CNTN4: variants seen among roughly 807,000 people sequenced by gnomAD.
CNTN4 encodes contactin 4.
A neutral mutation model predicts 122.5 loss-of-function variants in CNTN4; 77 were observed. The observed-to-expected ratio is 0.63, with a 90% CI of 0.52 to 0.76. The LOEUF is 0.76. Among genes scored for constraint, CNTN4 ranks in the 30% least tolerant of loss-of-function variants. CNTN4 has a pLI of 0.00. For missense variants in CNTN4, 1,256 were observed against 1,259.1 expected (o/e 1.00, Z 0.04); for synonymous variants, 512 against 447.0 (o/e 1.15, Z -1.83).
Position 2,845,112 on chromosome 3 carries a change from C to A in CNTN4, c.455-21640C>A, listed in dbSNP as rs547673812. The stretch of plus-strand genomic sequence containing the variant: ...CATTTCCGCAAAAACTAGGTGCAAT[C>A]CTTTGGAAAAGACTCAAGAAAAACA... On this transcript the variant is annotated intron_variant, in intron 7 of 24. Coordinates refer to ENST00000418658, the MANE Select transcript of CNTN4 (RefSeq NM_175607.3). Among the ~76,000 whole-genome samples, 6 of 152,146 alleles carry A rather than the reference C, an allele frequency of 3.9e-5. No individual in the cohort carries two copies. The East Asian group carries it at 9.6e-4, about 24-fold the overall frequency.
intron 2 of CNTN4, among the ~76,000 whole-genome samples, chr3:2,143,303 G>A (rs1003424238): frequency 6.6e-6 from 1 of 152,086 alleles, no homozygotes; most frequent in East Asian, 1.9e-4. Context: ...ATATTCTGGT[G>A]GCTAATGAAG....
chr3:2,258,126 C>T (rs1413977313), intron 2 of CNTN4, among the ~76,000 whole-genome samples: 10 of 151,968 alleles, frequency 6.6e-5, no homozygotes, highest in African/African-American at 1.2e-4. Context: ...GAAATAGGAA[C>T]GCTTTTACAC....
chr3:2,940,819 C>T (rs749632224), intron 13 of CNTN4, among the ~76,000 whole-genome samples: 5 of 151,984 alleles, frequency 3.3e-5, no homozygotes, highest in Non-Finnish European at 7.4e-5. Flanking sequence ...TTCTGAAAGT[C>T]TGGTCATGGG....
intron 13 of CNTN4, among the ~76,000 whole-genome samples, chr3:2,977,167 T>C (rs907780988): frequency 1.3e-5 from 2 of 152,240 alleles, no homozygotes; most frequent in Non-Finnish European, 2.9e-5. Flanking sequence ...TGTATTGCTT[T>C]TGCCTCAAGG....
intron 6 of CNTN4, among the ~76,000 whole-genome samples, chr3:2,807,494 TAAA>T (rs2150112841): frequency 6.6e-6 from 1 of 152,178 alleles, no homozygotes; most frequent in African/African-American, 2.4e-5. Context: ...TTTTTGCCCT[TAAA>T]AATTTTTAAC....
intron 2 of CNTN4, among the ~76,000 whole-genome samples, chr3:2,245,212 G>A (rs2040096699): frequency 6.6e-6 from 1 of 151,910 alleles, no homozygotes; most frequent in African/African-American, 2.4e-5. Context: ...GAGATACTTA[G>A]TAGAAGATAA....
In CNTN4 at chr3:2,381,468, G is replaced by T. The variant is rs555972655; in HGVS notation, c.-89+42235G>T. Among the ~76,000 whole-genome samples, 3 of 152,272 alleles carry T rather than the reference G, an allele frequency of 2.0e-5. No homozygotes were observed. The East Asian group carries it at 5.8e-4, about 29-fold the overall frequency. On this transcript the variant is annotated intron_variant, in intron 3 of 24. Coordinates refer to ENST00000418658, the MANE Select transcript of CNTN4 (RefSeq NM_175607.3). ...TAGGTCTCTTACTTAGCTATCACTA[G>T]TCTGGAGGTGTTGGGAACATAACTT...
chr3:2,948,953 G>T (rs2094707774), intron 13 of CNTN4, among the ~76,000 whole-genome samples: 1 of 152,012 alleles, frequency 6.6e-6, no homozygotes, highest in South Asian at 2.1e-4. Flanking sequence ...CAACTAATCA[G>T]CCCTTCCAGT....
rs1431671818 is a variant in CNTN4, at chr3:2,705,300, A to G, written c.56-30915A>G. 1.0e-4 allele frequency among the ~76,000 whole-genome samples: 15 copies of G among 146,140 alleles called. No individual in the cohort carries two copies. In the East Asian group the frequency reaches 2.0e-3, roughly 20 times the overall value. On this transcript the variant is annotated intron_variant, in intron 4 of 24. Coordinates refer to ENST00000418658, the MANE Select transcript of CNTN4 (RefSeq NM_175607.3). ...GGAGAATGGCGGGAACCTAGGAGGCAGAGCTTGCAGTGAGCCGAGATTGTG... is the reference window on the plus strand; with the variant it reads ...GGAGAATGGCGGGAACCTAGGAGGCGGAGCTTGCAGTGAGCCGAGATTGTG...
chr3:2,708,345 C>G (rs1411799633), intron 4 of CNTN4, among the ~76,000 whole-genome samples: 1 of 152,010 alleles, frequency 6.6e-6, no homozygotes, highest in Non-Finnish European at 1.5e-5. Flanking sequence ...CATTTACATC[C>G]AAATACGACT....
chr3:2,272,530 A>G (rs1439455009), intron 2 of CNTN4, among the ~76,000 whole-genome samples: 2 of 152,182 alleles, frequency 1.3e-5, no homozygotes, highest in Non-Finnish European at 2.9e-5. Context: ...AAGTTATACT[A>G]TGATAAAGAT....
At chr3:2,795,701 T>C (rs1285807609) in intron 6 of CNTN4, among the ~76,000 whole-genome samples, 2 of 151,952 alleles carry the variant, frequency 1.3e-5, no homozygotes, top group East Asian at 3.9e-4. Flanking sequence ...TTTGTATTTT[T>C]AGTAGAGACG....
At position 2,607,610 on chromosome 3, in the gene CNTN4, C is replaced by CCACACGCACACACACACACA. The variant is rs1553580832; in HGVS notation, c.55+36057_55+36058insGCACACACACACACACACAC. Among the ~76,000 whole-genome samples, 9 of 145,480 alleles carry CCACACGCACACACACACACA rather than the reference C, an allele frequency of 6.2e-5. No homozygotes were observed. The East Asian group carries it at 1.8e-3, about 29-fold the overall frequency. On this transcript the variant is annotated intron_variant, in intron 4 of 24. Coordinates refer to ENST00000418658, the MANE Select transcript of CNTN4 (RefSeq NM_175607.3). The stretch of plus-strand genomic sequence containing the variant: ...AATACGTGTGTATATACATATGCAT[C>CCACACGCACACACACACACA]CACACACACACACACATAACTAATG...
At position 2,157,160 on chromosome 3, in the gene CNTN4, A is replaced by G. The variant is rs893716667; in HGVS notation, c.-145+56521A>G. Among the ~76,000 whole-genome samples, 8 of 152,232 alleles carry G rather than the reference A, an allele frequency of 5.3e-5. 1 individual carries two copies. Among genetic ancestry groups the G allele is most frequent in the African/African-American group, 1.9e-4 (8 of 41,460 alleles). On this transcript the variant is annotated intron_variant, in intron 2 of 24. Coordinates refer to ENST00000418658, the MANE Select transcript of CNTN4 (RefSeq NM_175607.3). The stretch of plus-strand genomic sequence containing the variant: ...TGTCTTACACATTTAAAAATGGAAG[A>G]AGATATTTAAAAGTAAAATAAATTA...
rs748997432 is a variant in CNTN4 at position 2,883,227 on chromosome 3, G to A, written c.735G>A (p.Leu245=). The A allele has an allele frequency of 8.7e-6, 14 of 1,613,410 alleles. No homozygotes were observed. Among genetic ancestry groups the A allele is most frequent in the African/African-American group, 2.7e-5 (2 of 74,900 alleles). The stretch of plus-strand genomic sequence containing the variant: ...CTGCAAAAGGAGCAACGGTGAAGCT[G>A]GAATGCTTTGCTTTAGGAAAGTAAG... ...VPTAKGATVK[L]ECFALGNPVP... Residue 245 remains leucine, a synonymous_variant, in exon 9 of 25, where the codon CTG becomes CTA. Coordinates refer to ENST00000418658, the MANE Select transcript of CNTN4 (RefSeq NM_175607.3).
intron 4 of CNTN4, among the ~76,000 whole-genome samples, chr3:2,625,862 C>A (rs573058418): frequency 5.3e-5 from 8 of 152,262 alleles, no homozygotes; most frequent in African/African-American, 1.7e-4. Flanking sequence ...CTCAGCTTCA[C>A]GAGATAACAC....
chr3:2,105,257 T>C (rs1314336887), intron 2 of CNTN4, among the ~76,000 whole-genome samples: 1 of 152,168 alleles, frequency 6.6e-6, no homozygotes, highest in Non-Finnish European at 1.5e-5. Context: ...TACTTGAGAA[T>C]GAAGCCAACA....
Position 2,544,758 on chromosome 3 carries a change from CT to C in CNTN4, c.-88-26647del, listed in dbSNP as rs796676887. Reference sequence around the variant, plus strand: ...AAATGTGTTTACTTGGATCTCTGCTCTTTTTTTTTTTAATTAGTCTAGCCAC... The same window carrying C: ...AAATGTGTTTACTTGGATCTCTGCTCTTTTTTTTTTAATTAGTCTAGCCAC... On this transcript the variant is annotated intron_variant, in intron 3 of 24. Transcript: ENST00000418658. Among the ~76,000 whole-genome samples, 654 of 143,726 alleles carry C rather than the reference CT, an allele frequency of 4.6e-3. 3 individuals carry two copies. Among genetic ancestry groups the C allele is most frequent in the African/African-American group, 0.014 (571 of 39,384 alleles). 94.3% of individuals were successfully genotyped at this position (143,726 alleles called of 152,430 possible). A position where few individuals can be genotyped will look rare whatever the true frequency, so the allele number is the denominator to read the frequency against.
chr3:2,671,591 A>T (rs186221936), intron 4 of CNTN4, among the ~76,000 whole-genome samples: 2 of 152,102 alleles, frequency 1.3e-5, no homozygotes, highest in Admixed American at 6.5e-5. Context: ...CTCTCAACTC[A>T]TCAAAGTCAT....
Sources: gnomAD v4.1 joint callset for allele counts (sites outside exome capture counted in the v4.1 genomes callset) on GRCh38, gnomAD v4.1.1 for gene constraint, MANE v1.5 for transcripts, NCBI Gene and HGNC (gene_info 2026-07-23, HGNC 2026-07-21) for gene names.